Variants in CELSR1 observed in about 807,000 individuals in gnomAD.
CELSR1 encodes the protein cadherin EGF LAG seven-pass G-type receptor 1.
Under a neutral mutation model 249.1 loss-of-function variants are expected in CELSR1, and 110 were observed. That is an observed-to-expected ratio of 0.44 (90% CI 0.38 to 0.52). CELSR1 has a LOEUF of 0.52. CELSR1 is among the 20% of genes least tolerant of loss of function. The pLI is 0.00. For synonymous variants in CELSR1, 2,113 were observed against 1,900.0 expected, an observed-to-expected ratio of 1.11 and a Z score of -2.92; for missense variants, 4,109 against 4,296.4, an observed-to-expected ratio of 0.96 and a Z score of 1.22.
At position 46,413,765 on chromosome 22, in the gene CELSR1, T is replaced by C. The variant is rs1423032326; in HGVS notation, c.4612-2006A>G. On this transcript the variant is annotated intron_variant, in intron 5 of 34. Coordinates refer to ENST00000674500, the MANE Select transcript of CELSR1 (RefSeq NM_001378328.1). The surrounding 1 kb of genome is among the most constrained non-coding windows in gnomAD (Gnocchi z 4.7). ...TTAAAAATCATCTGTTTTCTCGCTG[T>C]GTAACGCGGCCCACTTTGGAAAACG... is the stretch of plus-strand genomic sequence containing the variant. Among the ~76,000 whole-genome samples the C allele has an allele frequency of 6.6e-6, 1 of 152,256 alleles. No homozygotes were observed. The highest frequency in any genetic ancestry group is 1.5e-5 in the Non-Finnish European group (1 of 68,044).
chr22:46,378,513 G>A (rs2078942530), intron 23 of CELSR1, 78 bp downstream of exon 23: 3 of 1,489,758 alleles, frequency 2.0e-6, no homozygotes, highest in Non-Finnish European at 2.7e-6. Context: ...AGGTTTGGCG[G>A]GGAGGTGCAG....
rs537333133 is a variant in CELSR1 at position 46,488,167 on chromosome 22, G to A, written c.3545-23822C>T. Among the ~76,000 whole-genome samples the A allele has an allele frequency of 3.0e-4, 45 of 152,066 alleles. No individual in the cohort carries two copies. Among genetic ancestry groups the A allele is most frequent in the African/African-American group, 1.1e-3 (44 of 41,438 alleles). ...GCAGGCTGACAGCAGCTGGGTGACA[G>A]CAGGAAGCAGCTGTGGTCAGCAGCC... On this transcript the variant is annotated intron_variant, in intron 1 of 34. Transcript: ENST00000674500. The surrounding 1 kb of genome is among the most constrained non-coding windows in gnomAD (Gnocchi z 4.7).
intron 24 of CELSR1, among the ~76,000 whole-genome samples, chr22:46,375,120 G>A (rs558656102): frequency 2.6e-5 from 4 of 152,182 alleles, no homozygotes; most frequent in Non-Finnish European, 5.9e-5. Flanking sequence ...AAAAAAGGAG[G>A]AGCAGCTCAG....
chr22:46,522,156 T>C (rs573511504), intron 1 of CELSR1, among the ~76,000 whole-genome samples: 9 of 152,262 alleles, frequency 5.9e-5, no homozygotes, highest in Non-Finnish European at 1.2e-4. Context: ...AACAGGGTCT[T>C]ACTCTGTTGT....
At chr22:46,425,394 T>C (rs530202801) in intron 5 of CELSR1, among the ~76,000 whole-genome samples, 1 of 152,342 alleles carries the variant, frequency 6.6e-6, no homozygotes. Flanking sequence ...AGAATTCTCT[T>C]GTGAAGCCAT....
Position 46,399,799 on chromosome 22 carries a change from AG to A in CELSR1, c.5329del (p.Leu1777CysfsTer2). 6.2e-7 allele frequency: 1 copy of A among 1,614,152 alleles called. No homozygotes were observed. Among genetic ancestry groups the A allele is most frequent in the Non-Finnish European group, 8.5e-7 (1 of 1,179,996 alleles). ...LRVTDGEWHHLLIELKNVKED... is the reference protein window; with the variant it reads ...LRVTDGEWHHXLIELKNVKED... ...CTTAACATTCTTCAGCTCGATCAGC[AG>A]GTGGTGCCACTCCCCGTCGGTCACC... is the stretch of plus-strand genomic sequence containing the variant. On this transcript the variant is annotated frameshift_variant, in exon 10 of 35. Transcript: ENST00000674500. LOFTEE classifies it high-confidence loss of function. The surrounding 1 kb of genome is among the most constrained non-coding windows in gnomAD (Gnocchi z 5.0).
chr22:46,385,491 C>T (rs920712552), intron 19 of CELSR1, among the ~76,000 whole-genome samples: 2 of 152,070 alleles, frequency 1.3e-5, no homozygotes, highest in Non-Finnish European at 2.9e-5. Flanking sequence ...GCGGGGTCCT[C>T]GACACCCACC....
At position 46,473,985 on chromosome 22, in the gene CELSR1, G is replaced by A. The variant is rs2080181494; in HGVS notation, c.3545-9640C>T. Among the ~76,000 whole-genome samples the A allele has an allele frequency of 6.6e-6, 1 of 152,162 alleles. No individual in the cohort carries two copies. The highest frequency in any genetic ancestry group is 6.5e-5 in the Admixed American group (1 of 15,272). ...GGAACAAGGGGACAAGCACTTTCAG[G>A]GTTGGGTGTGCGGCGCATGTCAGGA... On this transcript the variant is annotated intron_variant, in intron 1 of 34. Coordinates refer to ENST00000674500, the MANE Select transcript of CELSR1 (RefSeq NM_001378328.1). The surrounding 1 kb of genome is among the most constrained non-coding windows in gnomAD (Gnocchi z 6.6).
At chr22:46,376,815 AAAAG>A (rs72039140) in intron 24 of CELSR1, among the ~76,000 whole-genome samples, 48 of 151,788 alleles carry the variant, frequency 3.2e-4, no homozygotes, top group Middle Eastern at 3.4e-3. Flanking sequence ...AAAAAAAAAA[AAAAG>A]AAAGAAAGAA....
Position 46,380,622 on chromosome 22 carries a change from C to CT in CELSR1, c.7256+165_7256+166insA, listed in dbSNP as rs2078967270. ...ATCTAGGGGAGGACTCTGATATTCCCACAGAAGCAGAGCAGGAGGCTCACT... is the reference window on the plus strand; with the variant it reads ...ATCTAGGGGAGGACTCTGATATTCCCTACAGAAGCAGAGCAGGAGGCTCACT... On this transcript the variant is annotated intron_variant, in intron 22 of 34. Transcript: ENST00000674500. This position sits in a 1 kb window ranked among gnomAD's most constrained non-coding sequence, Gnocchi z 5.1. 6.6e-6 allele frequency among the ~76,000 whole-genome samples: 1 copy of CT among 152,198 alleles called. No homozygotes were observed. The highest frequency in any genetic ancestry group is 1.5e-5 in the Non-Finnish European group (1 of 68,018).
At position 46,439,325 on chromosome 22, in the gene CELSR1, C is replaced by T. The variant is rs374940568; in HGVS notation, c.4270G>A (p.Gly1424Ser). 63 of 1,613,962 alleles carry T rather than the reference C, an allele frequency of 3.9e-5. No individual in the cohort carries two copies. The highest frequency in any genetic ancestry group is 4.4e-5 in the Non-Finnish European group (52 of 1,179,982). Reference protein sequence around the residue: ...NGGTCVNLLIGGFHCVCPPGE... With the variant: ...NGGTCVNLLISGFHCVCPPGE... ...GGAGGACACACGCAGTGGAAGCCGC[C>T]GATGAGCAGGTTCACGCAGGTGCCC... The change falls in exon 3 of 35, where the codon GGC becomes AGC. Residue 1424 changes from glycine (G) to serine (S), a missense_variant. Gly to Ser is a moderately conservative substitution (Grantham distance 56). This residue lies in a region of CELSR1 where 453 missense variants were observed against 492.0 expected (regional missense o/e 0.92). Transcript: ENST00000674500.
At chr22:46,511,650 C>T (rs895212691) in intron 1 of CELSR1, among the ~76,000 whole-genome samples, 1 of 152,198 alleles carries the variant, frequency 6.6e-6, no homozygotes, top group Admixed American at 6.5e-5. Context: ...GCGCCAACAC[C>T]CCCACAATGC....
Position 46,527,475 on chromosome 22 carries a change from G to A in CELSR1, c.3544+6152C>T, listed in dbSNP as rs186162821. On this transcript the variant is annotated intron_variant, in intron 1 of 34. Coordinates refer to ENST00000674500, the MANE Select transcript of CELSR1 (RefSeq NM_001378328.1). This position sits in a 1 kb window ranked among gnomAD's most constrained non-coding sequence, Gnocchi z 5.5. ...CACACTGCACACGTCCAGGGGGGTA[G>A]AGAAGAGTCCCAGCCCGCCCTTGCC... Among the ~76,000 whole-genome samples, 134 of 152,330 alleles carry A rather than the reference G, an allele frequency of 8.8e-4. 1 individual carries two copies. Among genetic ancestry groups the A allele is most frequent in the Non-Finnish European group, 1.4e-3 (98 of 68,020 alleles).
Position 46,464,980 on chromosome 22 carries a change from C to G in CELSR1, c.3545-635G>C, listed in dbSNP as rs928131856. On this transcript the variant is annotated intron_variant, in intron 1 of 34. Transcript: ENST00000674500. This position sits in a 1 kb window ranked among gnomAD's most constrained non-coding sequence, Gnocchi z 8.5. ...AGCACACAGGAGGGGCCGAGGAGCA[C>G]CGCTTTACAAAGACACACAGCAGCC... Among the ~76,000 whole-genome samples the G allele has an allele frequency of 6.6e-6, 1 of 152,194 alleles. No individual in the cohort carries two copies. The highest frequency in any genetic ancestry group is 1.5e-5 in the Non-Finnish European group (1 of 68,040).
chr22:46,464,334 T>G lies in CELSR1; in HGVS notation c.3556A>C (p.Ser1186Arg). The change falls in exon 2 of 35, where the codon AGC (serine) becomes CGC (arginine). Residue 1186 changes from serine to arginine, a missense_variant. By Grantham distance (110) the Ser-to-Arg change is moderately radical (BLOSUM62 -1). This residue lies in a region of CELSR1 where 886 missense variants were observed against 896.5 expected (regional missense o/e 0.99). Transcript: ENST00000674500. The surrounding 1 kb of genome is among the most constrained non-coding windows in gnomAD (Gnocchi z 8.5). ...CGCAGGGTGCAGAAGGCCGTGACGC[T>G]GTGGATGCCATCTGCAGACACAAGG... is the stretch of plus-strand genomic sequence containing the variant. The part of the protein sequence containing the change: ...MEVSVSDGIH[S>R]VTAFCTLRVT... 6.2e-7 allele frequency: 1 copy of G among 1,609,564 alleles called. No homozygotes were observed.
intron 1 of CELSR1, among the ~76,000 whole-genome samples, chr22:46,498,747 G>C (rs1171518696): frequency 6.6e-6 from 1 of 152,138 alleles, no homozygotes; most frequent in Non-Finnish European, 1.5e-5. Flanking sequence ...GCATTTCAGG[G>C]ATGGTGGGAG....
chr22:46,386,299 A>AG (rs2079032625), intron 19 of CELSR1, 103 bp downstream of exon 19: 15 of 1,290,916 alleles, frequency 1.2e-5, no homozygotes, highest in East Asian at 8.4e-5. Context: ...AGCATGGCCA[A>AG]GGGGGGGCCG....
chr22:46,421,814 AT>A (rs1190930269), intron 5 of CELSR1, among the ~76,000 whole-genome samples: 1 of 152,118 alleles, frequency 6.6e-6, no homozygotes, highest in Admixed American at 6.5e-5. Context: ...CCACTAGTGG[AT>A]TTGACAGAAC....
At chr22:46,388,348 TAAA>T (rs887827162) in intron 18 of CELSR1, among the ~76,000 whole-genome samples, 2,876 of 143,500 alleles carry the variant, frequency 0.02, 92 homozygotes, top group African/African-American at 0.071. Context: ...GACCCCATCT[TAAA>T]AAAAAAAAGA....
Sources: allele counts gnomAD v4.1 joint callset (sites outside exome capture counted in the v4.1 genomes callset), GRCh38; gene constraint gnomAD v4.1.1; regional missense constraint gnomAD v4.1.1; non-coding constraint Gnocchi (gnomAD v3.1); transcripts MANE v1.5; gene names NCBI Gene and HGNC (gene_info 2026-07-23, HGNC 2026-07-21).